ZNF609: variants seen among roughly 807,000 people sequenced by gnomAD.
The protein encoded by ZNF609 is zinc finger protein 609.
ZNF609 carries 11 observed loss-of-function variants against 109.5 expected under a neutral mutation model. That is an observed-to-expected ratio of 0.10 (90% CI 0.06 to 0.17). The LOEUF (loss-of-function observed/expected upper bound fraction) is 0.17. Ranked by LOEUF, ZNF609 falls within the 10% of genes least tolerant of loss-of-function variation. The pLI, the probability that ZNF609 is intolerant of heterozygous loss-of-function variation, is 1.00. For synonymous variants in ZNF609, 646 were observed against 662.0 expected (o/e 0.98, Z 0.37); for missense variants, 1,559 against 1,772.4 (o/e 0.88, Z 2.16).
chr15:64,650,759 C>G (rs1471539948), intron 3 of ZNF609, among the ~76,000 whole-genome samples: 1 of 151,828 alleles, frequency 6.6e-6, no homozygotes, highest in East Asian at 1.9e-4. Context: ...TCCATTTGCA[C>G]AGAATATTCA....
At chr15:64,605,272 G>A (rs2140952432) in intron 2 of ZNF609, among the ~76,000 whole-genome samples, 1 of 152,306 alleles carries the variant, frequency 6.6e-6, no homozygotes, top group African/African-American at 2.4e-5. Context: ...CCTGTTTCAT[G>A]TAGTTTTGGT....
chr15:64,538,207 G>T (rs1241682714), intron 2 of ZNF609, among the ~76,000 whole-genome samples: 1 of 152,078 alleles, frequency 6.6e-6, no homozygotes, highest in Non-Finnish European at 1.5e-5. Flanking sequence ...ATTTTTAGAT[G>T]GGTTAGATTT....
At chr15:64,597,044 C>T (rs778708568) in intron 2 of ZNF609, among the ~76,000 whole-genome samples, 11 of 152,082 alleles carry the variant, frequency 7.2e-5, no homozygotes, top group East Asian at 1.9e-4. Flanking sequence ...CTCACCTACC[C>T]ACTTGACTCT....
At chr15:64,654,392 G>A (rs1043210759) in intron 3 of ZNF609, 2 of 152,094 alleles carry the variant, frequency 1.3e-5, no homozygotes, top group African/African-American at 4.8e-5. Context: ...TATTATACAT[G>A]TCATGATATG....
intron 2 of ZNF609, among the ~76,000 whole-genome samples, chr15:64,526,079 C>T (rs1040878909): frequency 1.3e-5 from 2 of 151,170 alleles, no homozygotes; most frequent in African/African-American, 4.9e-5. Context: ...CATGAGCTAC[C>T]ACGCTCAGCC....
intron 3 of ZNF609, among the ~76,000 whole-genome samples, chr15:64,635,691 A>C (rs1195200280): frequency 6.6e-6 from 1 of 152,220 alleles, no homozygotes; most frequent in Non-Finnish European, 1.5e-5. Flanking sequence ...AGCTGCTGTA[A>C]CAATGATAGG....
At chr15:64,616,269 C>T (rs1567030296) in intron 2 of ZNF609, among the ~76,000 whole-genome samples, 1 of 152,234 alleles carries the variant, frequency 6.6e-6, no homozygotes, top group East Asian at 1.9e-4. Flanking sequence ...GCTGGGATTA[C>T]AGGTATAAAC....
chr15:64,602,889 A>ATTTTTTTTTTTTTTTTTTTTTTTTTT (rs10600562), intron 2 of ZNF609, among the ~76,000 whole-genome samples: 2 of 75,166 alleles, frequency 2.7e-5, no homozygotes, highest in Non-Finnish European at 4.7e-5. Context: ...CTCTGGGCTA[A>ATTTTTTTTTTTTTTTTTTTTTTTTTT]TTTTTTTTTT....
chr15:64,680,605 G>T, intron 7 of ZNF609, 41 bp from the exon 8 acceptor site: 1 of 1,495,738 alleles, frequency 6.7e-7, no homozygotes. Context: ...ATGCATATGT[G>T]TCTCACTATA....
At chr15:64,469,422 A>AT in intron 1 of ZNF609, among the ~76,000 whole-genome samples, 1 of 82,676 alleles carries the variant, frequency 1.2e-5, no homozygotes. Flanking sequence ...GCAAGACCCT[A>AT]TTTCCAAAAA....
intron 3 of ZNF609, among the ~76,000 whole-genome samples, chr15:64,637,429 G>GGTAT (rs1372713306): frequency 6.6e-6 from 1 of 152,104 alleles, no homozygotes; most frequent in Admixed American, 6.6e-5. Context: ...TGAATCATAA[G>GGTAT]GTATGTGTAT....
intron 2 of ZNF609, among the ~76,000 whole-genome samples, chr15:64,505,001 T>C (rs2140354000): frequency 6.6e-6 from 1 of 152,288 alleles, no homozygotes; most frequent in African/African-American, 2.4e-5. Context: ...TAGATGAAAA[T>C]GCTTACATAC....
intron 6 of ZNF609, among the ~76,000 whole-genome samples, chr15:64,679,026 A>G (rs1260497687): frequency 6.6e-6 from 1 of 152,226 alleles, no homozygotes; most frequent in Non-Finnish European, 1.5e-5. Flanking sequence ...AGGTCCTGCT[A>G]GATTCAGCTT....
intron 1 of ZNF609, among the ~76,000 whole-genome samples, chr15:64,485,763 G>C (rs1454605810): frequency 6.6e-6 from 1 of 152,166 alleles, no homozygotes; most frequent in Non-Finnish European, 1.5e-5. Flanking sequence ...TAGCGCCACT[G>C]TACTCTAGCC....
At chr15:64,623,525 C>T (rs1185814995) in intron 3 of ZNF609, among the ~76,000 whole-genome samples, 1 of 152,182 alleles carries the variant, frequency 6.6e-6, no homozygotes, top group African/African-American at 2.4e-5. Context: ...GTTCACTCTT[C>T]CCACTGATTG....
rs147318762 is a variant in ZNF609 at position 64,569,020 on chromosome 15, A to G, written c.748-53807A>G. Among the ~76,000 whole-genome samples, 133 of 152,316 alleles carry G rather than the reference A, an allele frequency of 8.7e-4. 1 individual carries two copies. The highest frequency in any genetic ancestry group is 3.0e-3 in the African/African-American group (125 of 41,578). Reference sequence around the variant, plus strand: ...CTGGCCTTCTTTCTTTTTCTCAAACATATGAAGCTTGCTCTATGTATATAT... The same window carrying G: ...CTGGCCTTCTTTCTTTTTCTCAAACGTATGAAGCTTGCTCTATGTATATAT... On this transcript the variant is annotated intron_variant, in intron 2 of 9. Transcript: ENST00000326648.
At chr15:64,474,672 C>G (rs767534737) in intron 1 of ZNF609, among the ~76,000 whole-genome samples, 10 of 152,166 alleles carry the variant, frequency 6.6e-5, no homozygotes, top group Non-Finnish European at 4.4e-5. Flanking sequence ...CCAGGCCACA[C>G]ATAGTCTTGT....
chr15:64,512,022 T>G (rs561448138), intron 2 of ZNF609, among the ~76,000 whole-genome samples: 19 of 152,110 alleles, frequency 1.2e-4, no homozygotes, highest in African/African-American at 4.3e-4. Context: ...CTACTTTTTT[T>G]TTTTTAAGTT....
intron 3 of ZNF609, among the ~76,000 whole-genome samples, chr15:64,625,159 T>A (rs61667624): frequency 6.6e-6 from 1 of 152,166 alleles, no homozygotes; most frequent in South Asian, 2.1e-4. Context: ...ATGTGTATCT[T>A]TTCTACTGTG....
Sources: allele counts gnomAD v4.1 joint callset (sites outside exome capture counted in the v4.1 genomes callset), GRCh38; gene constraint gnomAD v4.1.1; transcripts MANE v1.5; gene names NCBI Gene and HGNC (gene_info 2026-07-23, HGNC 2026-07-21).